BACH1: variants seen among roughly 807,000 people sequenced by gnomAD.
BACH1 encodes the protein BTB domain and CNC homolog 1.
In BACH1, 35 loss-of-function variants were observed where a neutral mutation model predicts 52.9. The ratio of observed to expected loss-of-function variants is 0.66; its 90% confidence interval spans 0.51 to 0.88. BACH1 has a LOEUF of 0.88. Ranked by LOEUF, BACH1 falls within the 40% of genes least tolerant of loss-of-function variation. BACH1 has a pLI of 0.00. For synonymous variants in BACH1, 321 were observed against 319.6 expected (o/e 1.00, Z -0.05); for missense variants, 808 against 872.6 (o/e 0.93, Z 0.93).
intron 2 of BACH1, among the ~76,000 whole-genome samples, chr21:29,356,597 AC>A (rs1175864406): frequency 3.3e-5 from 5 of 152,202 alleles, no homozygotes; most frequent in Non-Finnish European, 7.3e-5. Flanking sequence ...ATCTGGTCAG[AC>A]CTTTGTATGG....
chr21:29,339,736 G>C (rs1569021544), intron 4 of BACH1, among the ~76,000 whole-genome samples: 2 of 149,984 alleles, frequency 1.3e-5, no homozygotes, highest in Non-Finnish European at 1.5e-5. Context: ...AGGCTCAAGT[G>C]ATTCCCCTGC....
At position 29,343,042 on chromosome 21, in the gene BACH1, A is replaced by T; in HGVS notation, c.*209A>T. On this transcript the variant is annotated 3_prime_UTR_variant, in exon 5 of 5. Transcript: ENST00000286800. ...ATTTTGCCTCCTGGATATCAGAAAA[A>T]TCCATGTGAAAATGTAGTAAACCTT... 2.1e-6 allele frequency: 1 copy of T among 478,274 alleles called. No individual in the cohort carries two copies. Among genetic ancestry groups the T allele is most frequent in the Admixed American group, 3.7e-5 (1 of 26,882 alleles). The allele number at this position is 478,274 out of a possible 1,614,324, so 29.6% of individuals were successfully genotyped here. A position where few individuals can be genotyped will look rare whatever the true frequency, so the allele number is the denominator to read the frequency against.
rs572690525 is a variant in BACH1, at chr21:29,325,396, G to A, written c.235-663G>A. Among the ~76,000 whole-genome samples the A allele has an allele frequency of 4.6e-5, 7 of 152,226 alleles. 1 individual carries two copies. The highest frequency in any genetic ancestry group is 1.7e-4 in the African/African-American group (7 of 41,532). On this transcript the variant is annotated intron_variant, in intron 2 of 4. Coordinates refer to ENST00000286800, the MANE Select transcript of BACH1 (RefSeq NM_001186.4). Reference sequence around the variant, plus strand: ...AGGCAGGTTTAATGTAAATGTGCAAGTTTCTACTTAAAAGTTTTGTTACTT... The same window carrying A: ...AGGCAGGTTTAATGTAAATGTGCAAATTTCTACTTAAAAGTTTTGTTACTT...
chr21:29,347,826 G>A (rs146876817), downstream of BACH1, among the ~76,000 whole-genome samples: 4 of 152,264 alleles, frequency 2.6e-5, no homozygotes, highest in African/African-American at 9.6e-5. Flanking sequence ...TCATCGTCCC[G>A]TGTAGCATGT....
chr21:29,327,047 C>T lies in BACH1; in HGVS notation c.1223C>T (p.Thr408Met), dbSNP rs376169141. The change falls in exon 3 of 5, where the codon ACG becomes ATG. Residue 408 changes from threonine to methionine, a missense_variant. Thr to Met is a moderately conservative substitution (Grantham distance 81). Coordinates refer to ENST00000286800, the MANE Select transcript of BACH1 (RefSeq NM_001186.4). ...GGCTTCTGGAGTGACATTTGCAGCA[C>T]GGACACTCCTTGCCAAATGCAGTTA... is the stretch of plus-strand genomic sequence containing the variant. The part of the protein sequence containing the change: ...AKGFWSDICS[T>M]DTPCQMQLSP... The T allele has an allele frequency of 1.2e-5, 20 of 1,614,018 alleles. No homozygotes were observed. Among genetic ancestry groups the T allele is most frequent in the African/African-American group, 1.1e-4 (8 of 74,890 alleles).
chr21:29,355,338 A>G (rs953716919), intron 2 of BACH1, among the ~76,000 whole-genome samples: 4 of 152,132 alleles, frequency 2.6e-5, no homozygotes, highest in African/African-American at 9.6e-5. Context: ...CAGAGTGCTG[A>G]TTGGTGCGTT....
intron 4 of BACH1, among the ~76,000 whole-genome samples, chr21:29,339,634 T>G (rs1263259246): frequency 1.4e-5 from 2 of 146,582 alleles, no homozygotes; most frequent in African/African-American, 5.0e-5. Flanking sequence ...CAAAGGTTTT[T>G]TTTTTTTTTT....
chr21:29,338,079 TAAAA>T (rs768637066), intron 4 of BACH1, among the ~76,000 whole-genome samples: 2 of 151,964 alleles, frequency 1.3e-5, no homozygotes, highest in African/African-American at 2.4e-5. Flanking sequence ...AACAATAAAA[TAAAA>T]AAGAAAGGAT....
chr21:29,306,871 T>C (rs1019456005), intron 1 of BACH1, among the ~76,000 whole-genome samples: 4 of 152,220 alleles, frequency 2.6e-5, no homozygotes, highest in African/African-American at 9.6e-5. Flanking sequence ...ATTTAAAAAT[T>C]GAAAATGCCA....
chr21:29,319,742 A>G (rs1164167366), intron 1 of BACH1, among the ~76,000 whole-genome samples: 29 of 148,700 alleles, frequency 2.0e-4, no homozygotes, highest in Admixed American at 1.8e-3. Context: ...ACAGGGACAT[A>G]GTAGGGCAGG....
chr21:29,317,112 CTG>C (rs2088796513), intron 1 of BACH1, among the ~76,000 whole-genome samples: 1 of 152,202 alleles, frequency 6.6e-6, no homozygotes, highest in Non-Finnish European at 1.5e-5. Context: ...CTATGGTAAA[CTG>C]TGCATGCAAG....
intron 4 of BACH1, among the ~76,000 whole-genome samples, chr21:29,335,957 TA>T (rs1172670133): frequency 6.6e-6 from 1 of 152,226 alleles, no homozygotes; most frequent in Non-Finnish European, 1.5e-5. Flanking sequence ...ATGCATCTTC[TA>T]AAAAGAGGCA....
intron 3 of BACH1, 23 bp from the exon 4 acceptor site, chr21:29,329,464 G>C (rs1262783029): frequency 1.4e-6 from 2 of 1,462,384 alleles, no homozygotes; most frequent in Non-Finnish European, 9.2e-7. Context: ...GCAATAATTA[G>C]TAATATTTAT....
rs551439979 is a variant in BACH1, at chr21:29,344,229, AGAG to A, written c.*1400_*1402del. On this transcript the variant is annotated 3_prime_UTR_variant, in exon 5 of 5. Transcript: ENST00000286800. ...TGGCAGAACCCAGTTTTAATGGTACAGAGGAGTAGTTTATAGTGTTGATTTCAC... is the reference window on the plus strand; with the variant it reads ...TGGCAGAACCCAGTTTTAATGGTACAGAGTAGTTTATAGTGTTGATTTCAC... 21 of 152,740 alleles carry A rather than the reference AGAG, an allele frequency of 1.4e-4. 1 individual carries two copies. The South Asian group carries it at 4.4e-3, about 32-fold the overall frequency. The allele number at this position is 152,740 out of a possible 1,614,324, so 9.5% of individuals were successfully genotyped here.
At chr21:29,351,566 TTACTC>T (rs2089202167) in intron 2 of BACH1, 4 of 528,120 alleles carry the variant, frequency 7.6e-6, no homozygotes, top group Non-Finnish European at 1.2e-5. Flanking sequence ...ATTTGAGCGT[TTACTC>T]TGGGCTTTAG....
chr21:29,330,300 G>T (rs1462817832), intron 4 of BACH1, among the ~76,000 whole-genome samples: 1 of 152,090 alleles, frequency 6.6e-6, no homozygotes, highest in Non-Finnish European at 1.5e-5. Flanking sequence ...GAGTAGCTGG[G>T]ACTACAGGCG....
At chr21:29,305,911 A>G (rs996241606) in intron 1 of BACH1, among the ~76,000 whole-genome samples, 1 of 152,370 alleles carries the variant, frequency 6.6e-6, no homozygotes, top group African/African-American at 2.4e-5. Flanking sequence ...GCAATAATGA[A>G]CTTTTCAGAA....
At chr21:29,329,200 T>A (rs2088952515) in intron 3 of BACH1, among the ~76,000 whole-genome samples, 1 of 152,084 alleles carries the variant, frequency 6.6e-6, no homozygotes, top group Non-Finnish European at 1.5e-5. Flanking sequence ...CCCAGCTACT[T>A]AGGAAGCTGA....
chr21:29,320,249 A>G (rs2088832982), intron 1 of BACH1, among the ~76,000 whole-genome samples: 1 of 152,242 alleles, frequency 6.6e-6, no homozygotes, highest in Non-Finnish European at 1.5e-5. Flanking sequence ...ATAAAGGCCA[A>G]TAAGCTCCTC....
Sources: gnomAD v4.1 joint callset for allele counts (sites outside exome capture counted in the v4.1 genomes callset) on GRCh38, gnomAD v4.1.1 for gene constraint, MANE v1.5 for transcripts, NCBI Gene and HGNC (gene_info 2026-07-23, HGNC 2026-07-21) for gene names.